ANKRD44: variants seen among roughly 807,000 people sequenced by gnomAD.
ANKRD44 encodes serine/threonine-protein phosphatase 6 regulatory ankyrin repeat subunit B.
Under a neutral mutation model 116.0 loss-of-function variants are expected in ANKRD44, and 35 were observed. The ratio of observed to expected loss-of-function variants is 0.30; its 90% CI spans 0.23 to 0.40. The LOEUF is 0.40. Among genes scored for constraint, ANKRD44 ranks in the 10% least tolerant of loss-of-function variants. The probability of loss-of-function intolerance (pLI) is 1.00; values close to 1 mark genes in which losing one functional copy is unlikely to be tolerated. For synonymous variants in ANKRD44, 435 were observed against 461.8 expected, an observed-to-expected ratio of 0.94 and a Z score of 0.74; for missense variants, 1,014 against 1,242.6, an observed-to-expected ratio of 0.82 and a Z score of 2.77.
chr2:197,269,108 T>C (rs1401151024), intron 1 of ANKRD44, among the ~76,000 whole-genome samples: 2 of 132,030 alleles, frequency 1.5e-5, no homozygotes, highest in Non-Finnish European at 3.5e-5. Context: ...ATCTGGTTGC[T>C]ACTCATAGAG....
At chr2:197,202,765 A>AG (rs761610776) in intron 1 of ANKRD44, among the ~76,000 whole-genome samples, 2 of 151,892 alleles carry the variant, frequency 1.3e-5, no homozygotes, top group African/African-American at 4.8e-5. Context: ...TTTTGTAGAG[A>AG]GGGGGTCTCG....
intron 16 of ANKRD44, among the ~76,000 whole-genome samples, chr2:197,071,117 T>A (rs1306979922): frequency 6.6e-6 from 1 of 152,218 alleles, no homozygotes; most frequent in Non-Finnish European, 1.5e-5. Flanking sequence ...TCTCTTTTTC[T>A]TAGCTACACG....
chr2:197,035,936 ACGCTGGACCCCAGTGGACCCCCAGTCTT>A (rs2076798440), intron 16 of ANKRD44, among the ~76,000 whole-genome samples: 1 of 151,992 alleles, frequency 6.6e-6, no homozygotes, highest in Non-Finnish European at 1.5e-5. Flanking sequence ...GTGCCAAACC[ACGCTGGACCCCAGTGGACCCCCAGTCTT>A]TCTGCATATC....
At chr2:196,986,596 G>T, downstream of ANKRD44, 1 of 566,986 alleles carries the variant, frequency 1.8e-6, no homozygotes, top group Non-Finnish European at 2.2e-6. Flanking sequence ...TTTGGCTTGA[G>T]GGGGTGCAAA....
chr2:197,288,701 G>A (rs2083476198), intron 1 of ANKRD44, among the ~76,000 whole-genome samples: 1 of 151,734 alleles, frequency 6.6e-6, no homozygotes, highest in Non-Finnish European at 1.5e-5. Context: ...CACACACCAT[G>A]GAATACTATT....
intron 16 of ANKRD44, among the ~76,000 whole-genome samples, chr2:197,055,183 GA>G (rs2077180815): frequency 6.6e-6 from 1 of 152,142 alleles, no homozygotes; most frequent in South Asian, 2.1e-4. Flanking sequence ...GCATTTCCTT[GA>G]TGACTATTAA....
At chr2:197,163,918 G>A (rs998132021) in intron 2 of ANKRD44, among the ~76,000 whole-genome samples, 2 of 152,160 alleles carry the variant, frequency 1.3e-5, no homozygotes, top group African/African-American at 2.4e-5. Flanking sequence ...ATGAAGCTCC[G>A]CGCCCGGCCA....
chr2:197,209,275 G>A (rs1187446181), intron 1 of ANKRD44, among the ~76,000 whole-genome samples: 1 of 152,142 alleles, frequency 6.6e-6, no homozygotes, highest in Admixed American at 6.5e-5. Context: ...AAAATCTATA[G>A]ATAATCATGA....
intron 1 of ANKRD44, among the ~76,000 whole-genome samples, chr2:197,269,487 A>G (rs2082837131): frequency 6.6e-6 from 1 of 152,204 alleles, no homozygotes; most frequent in Non-Finnish European, 1.5e-5. Flanking sequence ...GAAGATAGCC[A>G]ATCTGTAGTA....
At chr2:197,284,419 T>C (rs1363103709) in intron 1 of ANKRD44, among the ~76,000 whole-genome samples, 1 of 151,914 alleles carries the variant, frequency 6.6e-6, no homozygotes, top group Non-Finnish European at 1.5e-5. Context: ...AAATGTGACA[T>C]ATACTCTTTT....
intron 16 of ANKRD44, among the ~76,000 whole-genome samples, chr2:197,072,970 A>G (rs1047178961): frequency 4.6e-5 from 7 of 152,194 alleles, no homozygotes; most frequent in Non-Finnish European, 7.3e-5. Context: ...CAATCAATAC[A>G]TCTGTTCCAG....
At chr2:197,161,806 C>T (rs570129783) in intron 2 of ANKRD44, among the ~76,000 whole-genome samples, 45 of 152,162 alleles carry the variant, frequency 3.0e-4, no homozygotes, top group African/African-American at 9.6e-4. Flanking sequence ...CTAGAGGACA[C>T]GGGGTTCAAT....
At chr2:197,184,597 G>A (rs932640965) in intron 2 of ANKRD44, among the ~76,000 whole-genome samples, 2 of 137,144 alleles carry the variant, frequency 1.5e-5, no homozygotes, top group Admixed American at 1.6e-4. Flanking sequence ...CCGAGATCAC[G>A]CCACTGCACT....
intron 1 of ANKRD44, among the ~76,000 whole-genome samples, chr2:197,216,028 A>G (rs1245785722): frequency 1.3e-5 from 2 of 152,174 alleles, no homozygotes; most frequent in African/African-American, 4.8e-5. Flanking sequence ...AGTCAAACCA[A>G]TCGGGGTTCA....
intron 9 of ANKRD44, among the ~76,000 whole-genome samples, chr2:197,102,974 A>C (rs534796786): frequency 1.3e-5 from 2 of 152,224 alleles, no homozygotes; most frequent in African/African-American, 4.8e-5. Context: ...TCATGCCTGT[A>C]ATCCCAGCAC....
intron 9 of ANKRD44, among the ~76,000 whole-genome samples, chr2:197,109,285 C>T (rs888071346): frequency 6.6e-6 from 1 of 152,208 alleles, no homozygotes; most frequent in African/African-American, 2.4e-5. Context: ...CTCCCCCCGA[C>T]CCCCTTTATT....
At chr2:197,295,667 G>A (rs1321380680) in intron 1 of ANKRD44, among the ~76,000 whole-genome samples, 3 of 152,164 alleles carry the variant, frequency 2.0e-5, no homozygotes, top group Non-Finnish European at 4.4e-5. Context: ...TGAGGCCCAA[G>A]GAGGTATAAT....
At chr2:197,267,916 C>A (rs542245567) in intron 1 of ANKRD44, among the ~76,000 whole-genome samples, 1 of 152,332 alleles carries the variant, frequency 6.6e-6, no homozygotes, top group South Asian at 2.1e-4. Context: ...AGCCAAAGCC[C>A]AGTCTCCCAA....
intron 11 of ANKRD44, chr2:197,089,002 G>A (rs2077985467): frequency 4.9e-6 from 2 of 405,094 alleles, no homozygotes; most frequent in African/African-American, 2.1e-5. Context: ...TTCACATTCA[G>A]CCCTGGGTGA....
Sources: gnomAD v4.1 joint callset for allele counts (sites outside exome capture counted in the v4.1 genomes callset) on GRCh38, gnomAD v4.1.1 for gene constraint, MANE v1.5 for transcripts, NCBI Gene and HGNC (gene_info 2026-07-23, HGNC 2026-07-21) for gene names.